The following UBQLN1 variants were observed in gnomAD, a reference collection of about 807,000 sequenced individuals.
UBQLN1 encodes ubiquilin 1.
A neutral mutation model predicts 65.4 loss-of-function variants in UBQLN1; 13 were observed. That is an observed-to-expected ratio of 0.20 (90% CI 0.13 to 0.32). UBQLN1 has a LOEUF of 0.32. Ranked by LOEUF, UBQLN1 falls within the 10% of genes least tolerant of loss-of-function variation. The pLI is 1.00. For synonymous variants in UBQLN1, 267 were observed against 247.8 expected (o/e 1.08, Z -0.73); for missense variants, 561 against 724.0 (o/e 0.77, Z 2.58).
chr9:83,667,381 T>C, intron 7 of UBQLN1: 2 of 475,770 alleles, frequency 4.2e-6, no homozygotes, highest in Non-Finnish European at 5.5e-6. Context: ...GAAATGATCC[T>C]TGCCCTCAAG....
intron 1 of UBQLN1, among the ~76,000 whole-genome samples, chr9:83,703,141 A>G (rs1299780419): frequency 7.0e-6 from 1 of 143,708 alleles, no homozygotes; most frequent in African/African-American, 2.6e-5. Context: ...TCTTTTCAAT[A>G]GCTGATGATG....
At chr9:83,693,526 A>G (rs1832162158) in intron 1 of UBQLN1, among the ~76,000 whole-genome samples, 1 of 152,060 alleles carries the variant, frequency 6.6e-6, no homozygotes, top group Non-Finnish European at 1.5e-5. Context: ...TTTCTCCCCT[A>G]AATTTTCTAT....
chr9:83,691,994 A>G (rs1832136919), intron 1 of UBQLN1, among the ~76,000 whole-genome samples: 1 of 152,256 alleles, frequency 6.6e-6, no homozygotes, highest in African/African-American at 2.4e-5. Context: ...TACTAGAACC[A>G]CTTCCAAGTA....
intron 1 of UBQLN1, among the ~76,000 whole-genome samples, chr9:83,701,477 A>C (rs1005538170): frequency 6.6e-6 from 1 of 152,206 alleles, no homozygotes; most frequent in Non-Finnish European, 1.5e-5. Flanking sequence ...TACCCTTAAC[A>C]GGGTATGGGG....
intron 7 of UBQLN1, 101 bp from the exon 8 acceptor site, chr9:83,666,534 A>AG: frequency 9.5e-7 from 1 of 1,048,424 alleles, no homozygotes; most frequent in Middle Eastern, 2.1e-4. Context: ...GCTGGCACTT[A>AG]AAAGGGAGGA....
At chr9:83,706,283 A>C (rs938290545) in intron 1 of UBQLN1, among the ~76,000 whole-genome samples, 3 of 152,236 alleles carry the variant, frequency 2.0e-5, no homozygotes, top group Non-Finnish European at 2.9e-5. Context: ...TAAAATGCTA[A>C]TTGTAGATGA....
chr9:83,690,308 G>A (rs1222853011), intron 1 of UBQLN1, among the ~76,000 whole-genome samples: 5 of 152,130 alleles, frequency 3.3e-5, no homozygotes, highest in African/African-American at 9.6e-5. Context: ...CAACACGAGC[G>A]AAAAAGCCAG....
chr9:83,693,637 T>G (rs751950149), intron 1 of UBQLN1, among the ~76,000 whole-genome samples: 1 of 152,092 alleles, frequency 6.6e-6, no homozygotes, highest in Non-Finnish European at 1.5e-5. Flanking sequence ...GAAATGAAAA[T>G]GTATCAAGAT....
At chr9:83,677,569 AC>A (rs371882979) in intron 6 of UBQLN1, among the ~76,000 whole-genome samples, 157 bp downstream of exon 6, 41 of 152,038 alleles carry the variant, frequency 2.7e-4, no homozygotes, top group African/African-American at 9.2e-4. Context: ...TCTCAAAAAA[AC>A]AAAACAAAAC....
intron 2 of UBQLN1, among the ~76,000 whole-genome samples, chr9:83,683,328 C>T (rs1367140883): frequency 1.4e-5 from 2 of 147,862 alleles, no homozygotes; most frequent in South Asian, 2.2e-4. Flanking sequence ...AGGAGAATGG[C>T]GTGAACCCAG....
chr9:83,665,239 C>A, intron 8 of UBQLN1, 94 bp from the exon 9 acceptor site: 6 of 913,664 alleles, frequency 6.6e-6, no homozygotes, highest in Middle Eastern at 4.7e-4. Context: ...TGGAGAAAAT[C>A]TAAAACCTTA....
At chr9:83,681,347 C>T (rs962513683) in intron 3 of UBQLN1, among the ~76,000 whole-genome samples, 2 of 152,144 alleles carry the variant, frequency 1.3e-5, no homozygotes, top group African/African-American at 4.8e-5. Flanking sequence ...GACTGTGTTA[C>T]ATATGTATTG....
intron 1 of UBQLN1, among the ~76,000 whole-genome samples, chr9:83,686,978 A>G (rs1298228633): frequency 6.8e-6 from 1 of 147,138 alleles, no homozygotes; most frequent in Non-Finnish European, 1.5e-5. Flanking sequence ...TGTCTGTTTA[A>G]AAAAAAAAAA....
At chr9:83,687,598 C>T (rs895334590) in intron 1 of UBQLN1, among the ~76,000 whole-genome samples, 19 of 152,212 alleles carry the variant, frequency 1.2e-4, no homozygotes, top group African/African-American at 3.9e-4. Context: ...CATTAAATGA[C>T]AGAATGTCTG....
rs1380560763 is a variant in UBQLN1, at chr9:83,665,019, A to T, written c.1448+11T>A. The stretch of plus-strand genomic sequence containing the variant: ...TTATACACTTTCATTATCTTCCCCA[A>T]ATAAGCCTACCCTGGGATGAGGCCC... On this transcript the variant is annotated intron_variant, in intron 9 of 10. Coordinates refer to ENST00000376395, the MANE Select transcript of UBQLN1 (RefSeq NM_013438.5). 7.6e-6 allele frequency: 12 copies of T among 1,588,310 alleles called. No individual in the cohort carries two copies. The highest frequency in any genetic ancestry group is 1.0e-5 in the Non-Finnish European group (12 of 1,164,040).
At chr9:83,707,277 G>C (rs1364908890) in intron 1 of UBQLN1, among the ~76,000 whole-genome samples, 1 of 152,160 alleles carries the variant, frequency 6.6e-6, no homozygotes, top group Non-Finnish European at 1.5e-5. Context: ...CGAGAAAAGC[G>C]GCATCAGCCC....
chr9:83,663,479 A>C (rs1352553378), intron 10 of UBQLN1, among the ~76,000 whole-genome samples: 9 of 152,174 alleles, frequency 5.9e-5, no homozygotes, highest in Admixed American at 5.9e-4. Flanking sequence ...TTCCAGTCAA[A>C]AGACAGACTA....
chr9:83,700,612 T>C (rs964994635), intron 1 of UBQLN1, among the ~76,000 whole-genome samples: 4 of 152,142 alleles, frequency 2.6e-5, no homozygotes, highest in Non-Finnish European at 5.9e-5. Context: ...CAGAAATAGA[T>C]ACTACCTGGA....
Position 83,679,853 on chromosome 9 carries a change from G to A in UBQLN1, c.633C>T (p.Ala211=). The change falls in exon 4 of 11, where the codon GCC becomes GCT. Residue 211 remains alanine, a synonymous_variant. Transcript: ENST00000376395. ...GTATCAACTGCTGCATTTGTGGATT[G>A]GCCATAATTAACTGTCTCATCAGGT... ...NPDLMRQLIM[A]NPQMQQLIQR... 1 of 1,614,084 alleles carries A rather than the reference G, an allele frequency of 6.2e-7. No individual in the cohort carries two copies. The highest frequency in any genetic ancestry group is 8.5e-7 in the Non-Finnish European group (1 of 1,179,996).
Sources: gnomAD v4.1 joint callset for allele counts (sites outside exome capture counted in the v4.1 genomes callset) on GRCh38, gnomAD v4.1.1 for gene constraint, MANE v1.5 for transcripts, NCBI Gene and HGNC (gene_info 2026-07-23, HGNC 2026-07-21) for gene names.